RELA: variants seen among roughly 807,000 people sequenced by gnomAD.
The protein encoded by RELA is transcription factor p65.
RELA carries 14 observed loss-of-function variants against 56.7 expected under a neutral mutation model. The observed-to-expected ratio is 0.25, with a 90% CI of 0.16 to 0.39. RELA has a LOEUF of 0.39. Ranked by LOEUF, RELA falls within the 10% of genes least tolerant of loss-of-function variation. The pLI, the probability that RELA is intolerant of heterozygous loss-of-function variation, is 1.00. For missense variants in RELA, 559 were observed against 736.4 expected, an observed-to-expected ratio of 0.76 and a Z score of 2.79; for synonymous variants, 315 against 289.7, an observed-to-expected ratio of 1.09 and a Z score of -0.89.
Position 65,658,657 on chromosome 11 carries a change from A to G in RELA, c.664+61T>C. 1 of 1,511,532 alleles carries G rather than the reference A, an allele frequency of 6.6e-7. No individual in the cohort carries two copies. Among genetic ancestry groups the G allele is most frequent in the East Asian group, 2.3e-5 (1 of 44,226 alleles). The allele number at this position is 1,511,532 out of a possible 1,614,324, so 93.6% of individuals were successfully genotyped here. Reference sequence around the variant, plus strand: ...TCCAAAGCCAGTTACCTGACACTCCACTTCTCTGCTCAGCTTCACCCCTTG... The same window carrying G: ...TCCAAAGCCAGTTACCTGACACTCCGCTTCTCTGCTCAGCTTCACCCCTTG... On this transcript the variant is annotated intron_variant, in intron 7 of 10. Coordinates refer to ENST00000406246, the MANE Select transcript of RELA (RefSeq NM_021975.4). The surrounding 1 kb of genome is among the most constrained non-coding windows in gnomAD (Gnocchi z 4.5).
In RELA at chr11:65,654,128, CA is replaced by C. The variant is rs1164420736; in HGVS notation, c.*249del. ...CAGAGAAGGGAGCTGACCATCAGGA[CA>C]GGGGAAAAGTTTGAGTTTCCCCAGC... On this transcript the variant is annotated 3_prime_UTR_variant, in exon 11 of 11. Transcript: ENST00000406246. 1 of 557,428 alleles carries C rather than the reference CA, an allele frequency of 1.8e-6. No homozygotes were observed. Among genetic ancestry groups the C allele is most frequent in the African/African-American group, 1.9e-5 (1 of 53,060 alleles). The allele number at this position is 557,428 out of a possible 1,614,324, so 34.5% of individuals were successfully genotyped here.
Position 65,662,184 on chromosome 11 carries a change from G to C in RELA, c.29C>G (p.Pro10Arg). The C allele has an allele frequency of 6.3e-7, 1 of 1,588,136 alleles. No homozygotes were observed. Among genetic ancestry groups the C allele is most frequent in the Non-Finnish European group, 8.5e-7 (1 of 1,171,570 alleles). MDELFPLIF[P>R]AEPAQASGPY... ...CCGCCGCGGGGGCCACTTACCTGCC[G>C]GGAAGATGAGGGGGAACAGTTCTGA... The change falls in exon 2 of 11, where the codon CCG (proline) becomes CGG (arginine). Residue 10 changes from proline (P) to arginine (R), a missense_variant. Physicochemically the swap from Pro to Arg is moderately radical, Grantham distance 103. This residue lies in a region of RELA where 21 missense variants were observed against 17.4 expected (regional missense o/e 1.21). Coordinates refer to ENST00000406246, the MANE Select transcript of RELA (RefSeq NM_021975.4).
Position 65,658,892 on chromosome 11 carries a change from C to T in RELA, c.560-70G>A. The T allele has an allele frequency of 1.6e-6, 2 of 1,260,194 alleles. No homozygotes were observed. Among genetic ancestry groups the T allele is most frequent in the Non-Finnish European group, 2.3e-6 (2 of 859,606 alleles). 78.1% of individuals were successfully genotyped at this position (1,260,194 alleles called of 1,614,324 possible). A position where few individuals can be genotyped will look rare whatever the true frequency, so the allele number is the denominator to read the frequency against. On this transcript the variant is annotated intron_variant, in intron 6 of 10. Transcript: ENST00000406246. The surrounding 1 kb of genome is among the most constrained non-coding windows in gnomAD (Gnocchi z 4.5). Reference sequence around the variant, plus strand: ...TCCCCAGGGTGGCCTGCAGGAGATGCAACTTCCCTGCCCAGCCCAGAGTCA... The same window carrying T: ...TCCCCAGGGTGGCCTGCAGGAGATGTAACTTCCCTGCCCAGCCCAGAGTCA...
intron 3 of RELA, 21 bp from the exon 4 acceptor site, chr11:65,661,856 C>T: frequency 1.2e-6 from 2 of 1,603,338 alleles, no homozygotes; most frequent in South Asian, 1.1e-5. Context: ...TACAGAGGCC[C>T]AGACATCCAA....
chr11:65,659,922 G>T, intron 5 of RELA, 125 bp from the exon 6 acceptor site: 1 of 1,301,456 alleles, frequency 7.7e-7, no homozygotes, highest in Non-Finnish European at 1.1e-6. Flanking sequence ...CCTAGAGGAG[G>T]CAGAACCCAG....
upstream of RELA, chr11:65,662,985 C>T (rs1025450937): frequency 1.2e-5 from 6 of 498,908 alleles, no homozygotes; most frequent in East Asian, 2.9e-4. Context: ...CCCGCCGCCG[C>T]CCGGCGCAGG....
In RELA at chr11:65,658,080, C is replaced by T. The variant is rs1856474953; in HGVS notation, c.877+207G>A. Among the ~76,000 whole-genome samples, 1 of 152,218 alleles carries T rather than the reference C, an allele frequency of 6.6e-6. No individual in the cohort carries two copies. The highest frequency in any genetic ancestry group is 1.5e-5 in the Non-Finnish European group (1 of 68,044). On this transcript the variant is annotated intron_variant, in intron 8 of 10. Coordinates refer to ENST00000406246, the MANE Select transcript of RELA (RefSeq NM_021975.4). The surrounding 1 kb of genome is among the most constrained non-coding windows in gnomAD (Gnocchi z 4.5). ...TAAAATCAGGTAATCCAGTGAAGTG[C>T]CTGGAATAGGGGCAGATGTGTAGTA...
chr11:65,663,602 C>T (rs1207734659), upstream of RELA, among the ~76,000 whole-genome samples: 1 of 152,238 alleles, frequency 6.6e-6, no homozygotes, highest in Non-Finnish European at 1.5e-5. Context: ...ACTGCCGGCT[C>T]TCATCGGCTG....
rs1435830764 is a variant in RELA, at chr11:65,658,900, C to T, written c.560-78G>A. ...GTGGCCTGCAGGAGATGCAACTTCC[C>T]TGCCCAGCCCAGAGTCAAGGTTGCC... On this transcript the variant is annotated intron_variant, in intron 6 of 10. Coordinates refer to ENST00000406246, the MANE Select transcript of RELA (RefSeq NM_021975.4). This position sits in a 1 kb window ranked among gnomAD's most constrained non-coding sequence, Gnocchi z 4.5. The T allele has an allele frequency of 2.5e-6, 3 of 1,179,884 alleles. No individual in the cohort carries two copies. The highest frequency in any genetic ancestry group is 1.3e-6 in the Non-Finnish European group (1 of 788,382). The allele number at this position is 1,179,884 out of a possible 1,614,324, so 73.1% of individuals were successfully genotyped here. A position where few individuals can be genotyped will look rare whatever the true frequency, so the allele number is the denominator to read the frequency against.
intron 8 of RELA, among the ~76,000 whole-genome samples, chr11:65,656,279 G>A (rs946623945): frequency 2.0e-5 from 3 of 152,184 alleles, no homozygotes; most frequent in Non-Finnish European, 4.4e-5. Context: ...CCCAGGCCTG[G>A]CGAGAATTTC....
At chr11:65,659,923 C>T in intron 5 of RELA, 126 bp from the exon 6 acceptor site, 1 of 1,312,812 alleles carries the variant, frequency 7.6e-7, no homozygotes, top group Non-Finnish European at 1.0e-6. Context: ...CTAGAGGAGG[C>T]AGAACCCAGC....
rs372044858 is a variant in RELA, at chr11:65,658,336, G to A, written c.828C>T (p.Ser276=). The change falls in exon 8 of 11, where the codon TCC becomes TCT. Residue 276 remains serine, a synonymous_variant. Coordinates refer to ENST00000406246, the MANE Select transcript of RELA (RefSeq NM_021975.4). This position sits in a 1 kb window ranked among gnomAD's most constrained non-coding sequence, Gnocchi z 4.5. ...CCATGGGCTCACTGAGCTCCCGGTC[G>A]GAAGGCCGCCGCAGCTGCATGGAGA... ...VRVSMQLRRP[S]DRELSEPMEF... The A allele has an allele frequency of 8.1e-6, 13 of 1,612,212 alleles. No homozygotes were observed. Among genetic ancestry groups the A allele is most frequent in the South Asian group, 3.3e-5 (3 of 90,700 alleles).
chr11:65,654,693 A>G lies in RELA; in HGVS notation c.1341T>C (p.Asp447=), dbSNP rs769633553. 1 of 1,544,436 alleles carries G rather than the reference A, an allele frequency of 6.5e-7. No individual in the cohort carries two copies. The highest frequency in any genetic ancestry group is 8.7e-7 in the Non-Finnish European group (1 of 1,147,220). The change falls in exon 11 of 11, where the codon GAT becomes GAC. Residue 447 remains aspartate (D), a synonymous_variant. Coordinates refer to ENST00000406246, the MANE Select transcript of RELA (RefSeq NM_021975.4). ...TGCCAAGCAAGGCCCCCAGGTCTTC[A>G]TCATCAAACTGCAGCTGCAGCAGGG... ...SEALLQLQFD[D]EDLGALLGNS...
chr11:65,656,142 C>T (rs1856421571), intron 8 of RELA, among the ~76,000 whole-genome samples: 2 of 152,170 alleles, frequency 1.3e-5, no homozygotes, highest in African/African-American at 4.8e-5. Flanking sequence ...GAATCTGCCC[C>T]TCTAAGACCA....
Position 65,658,344 on chromosome 11 carries a change from G to A in RELA, c.820C>T (p.Arg274Trp), listed in dbSNP as rs1252847592. The A allele has an allele frequency of 1.9e-6, 3 of 1,612,856 alleles. No individual in the cohort carries two copies. Among genetic ancestry groups the A allele is most frequent in the Admixed American group, 1.7e-5 (1 of 59,768 alleles). The change falls in exon 8 of 11, where the codon CGG (arginine) becomes TGG (tryptophan). Residue 274 changes from arginine (R) to tryptophan (W), a missense_variant. Arg to Trp is a moderately radical substitution (Grantham distance 101). Coordinates refer to ENST00000406246, the MANE Select transcript of RELA (RefSeq NM_021975.4). The surrounding 1 kb of genome is among the most constrained non-coding windows in gnomAD (Gnocchi z 4.5). The part of the protein sequence containing the change: ...APVRVSMQLR[R>W]PSDRELSEPM... ...TCACTGAGCTCCCGGTCGGAAGGCC[G>A]CCGCAGCTGCATGGAGACACGCACA... is the stretch of plus-strand genomic sequence containing the variant.
At position 65,661,750 on chromosome 11, in the gene RELA, A is replaced by G; in HGVS notation, c.272T>C (p.Val91Ala). The G allele has an allele frequency of 6.2e-7, 1 of 1,613,720 alleles. No homozygotes were observed. Among genetic ancestry groups the G allele is most frequent in the Non-Finnish European group, 8.5e-7 (1 of 1,179,868 alleles). ...GAAGCCATCCCGGCAGTCCTTTCCTACAAGCTCGTGGGGGTGAGGCCGGTG... is the reference window on the plus strand; with the variant it reads ...GAAGCCATCCCGGCAGTCCTTTCCTGCAAGCTCGTGGGGGTGAGGCCGGTG... ...PPHRPHPHEL[V>A]GKDCRDGFYE... Residue 91 changes from valine (V) to alanine (A), a missense_variant, in exon 4 of 11, where the codon GTA becomes GCA. By Grantham distance (64) the Val-to-Ala change is moderately conservative (BLOSUM62 0). Coordinates refer to ENST00000406246, the MANE Select transcript of RELA (RefSeq NM_021975.4).
Position 65,660,138 on chromosome 11 carries a change from T to A in RELA, c.413A>T (p.Asn138Ile), listed in dbSNP as rs1254116157. 1 of 1,614,084 alleles carries A rather than the reference T, an allele frequency of 6.2e-7. No homozygotes were observed. The part of the protein sequence containing the change: ...QAISQRIQTN[N>I]NPFQVPIEEQ... ...TTTGCCCTCACCTTGGAAGGGGTTGTTGTTGGTCTGGATGCGCTGACTGAT... is the reference window on the plus strand; with the variant it reads ...TTTGCCCTCACCTTGGAAGGGGTTGATGTTGGTCTGGATGCGCTGACTGAT... Residue 138 changes from asparagine (N) to isoleucine (I), a missense_variant, in exon 5 of 11, where the codon AAC becomes ATC. By Grantham distance (149) the Asn-to-Ile change is moderately radical. Around this residue, in one of 4 missense-constraint regions of RELA, gnomAD observed 149 missense variants for 256.0 expected, o/e 0.58. Transcript: ENST00000406246.
At chr11:65,655,066 C>T in intron 10 of RELA, 66 bp from the exon 11 acceptor site, 1 of 1,279,904 alleles carries the variant, frequency 7.8e-7, no homozygotes, top group Non-Finnish European at 1.1e-6. Flanking sequence ...GTCCTCTGTA[C>T]CCCAGCCCCT....
rs1029335964 is a variant in RELA at position 65,659,546 on chromosome 11, A to G, written c.559+120T>C. ...CAAAGAGCTGGGCAGAGAAGAGTAG[A>G]CAAATACGCAAGATGATTGAATGAA... On this transcript the variant is annotated intron_variant, in intron 6 of 10. Coordinates refer to ENST00000406246, the MANE Select transcript of RELA (RefSeq NM_021975.4). 49 of 1,289,858 alleles carry G rather than the reference A, an allele frequency of 3.8e-5. No individual in the cohort carries two copies. The African/African-American group carries it at 5.1e-4, about 13-fold the overall frequency. 79.9% of individuals were successfully genotyped at this position (1,289,858 alleles called of 1,614,324 possible).
Sources: gnomAD v4.1 joint callset for allele counts (sites outside exome capture counted in the v4.1 genomes callset) on GRCh38, gnomAD v4.1.1 for gene constraint, gnomAD v4.1.1 regional missense constraint, Gnocchi (gnomAD v3.1) non-coding constraint, MANE v1.5 for transcripts, NCBI Gene and HGNC (gene_info 2026-07-23, HGNC 2026-07-21) for gene names.